The following MARCHF1 variants were observed in gnomAD, a reference collection of about 807,000 sequenced individuals.
MARCHF1 encodes E3 ubiquitin-protein ligase MARCHF1.
A neutral mutation model predicts 54.2 loss-of-function variants in MARCHF1; 40 were observed. The observed-to-expected ratio is 0.74, with a 90% CI of 0.57 to 0.96. The LOEUF (loss-of-function observed/expected upper bound fraction) is 0.96, where lower values mean the gene tolerates loss of function less well. Among genes scored for constraint, MARCHF1 ranks in the 40% least tolerant of loss-of-function variants. MARCHF1 has a pLI of 0.00. For missense variants in MARCHF1, 586 were observed against 656.5 expected, an observed-to-expected ratio of 0.89 and a Z score of 1.17; for synonymous variants, 236 against 236.3, an observed-to-expected ratio of 1.00 and a Z score of 0.01.
chr4:163,801,404 C>T (rs892087541), intron 4 of MARCHF1, among the ~76,000 whole-genome samples: 4 of 151,894 alleles, frequency 2.6e-5, no homozygotes, highest in Non-Finnish European at 5.9e-5. Context: ...AGACACCTAT[C>T]TACAAGTTTT....
rs147931670 is a variant in MARCHF1, at chr4:164,302,995, C to G, written c.-323+80875G>C. On this transcript the variant is annotated intron_variant, in intron 1 of 9. Transcript: ENST00000514618. ...AATTACAAGTATATTTTCATGTTTA[C>G]AATTATAAGACTTCCAAAACAGATA... Among the ~76,000 whole-genome samples the G allele has an allele frequency of 6.4e-3, 965 of 151,312 alleles. 6 individuals are homozygous for G. The highest frequency in any genetic ancestry group is 0.011 in the Non-Finnish European group (727 of 67,838).
At chr4:163,710,756 G>A (rs1299953560) in intron 4 of MARCHF1, among the ~76,000 whole-genome samples, 1 of 152,050 alleles carries the variant, frequency 6.6e-6, no homozygotes, top group African/African-American at 2.4e-5. Flanking sequence ...AAGCCTTGAG[G>A]ACTGAATTCA....
intron 1 of MARCHF1, among the ~76,000 whole-genome samples, chr4:164,155,133 AG>A (rs1038748918): frequency 1.1e-4 from 16 of 152,284 alleles, no homozygotes; most frequent in African/African-American, 3.8e-4. Flanking sequence ...GGCATAAGAT[AG>A]GGGGCATGGT....
At chr4:163,750,371 T>A (rs1017402891) in intron 4 of MARCHF1, among the ~76,000 whole-genome samples, 6 of 151,084 alleles carry the variant, frequency 4.0e-5, no homozygotes, top group African/African-American at 1.5e-4. Context: ...ATTAGCCAGG[T>A]GTGGTGGCAG....
chr4:163,656,409 A>T (rs2111086062), intron 5 of MARCHF1, among the ~76,000 whole-genome samples: 1 of 152,188 alleles, frequency 6.6e-6, no homozygotes, highest in South Asian at 2.1e-4. Flanking sequence ...TTGAGGCAGT[A>T]ATTAATAGCC....
intron 4 of MARCHF1, among the ~76,000 whole-genome samples, chr4:163,719,285 G>T (rs1244657373): frequency 6.6e-6 from 1 of 151,748 alleles, no homozygotes; most frequent in Non-Finnish European, 1.5e-5. Flanking sequence ...GCAGTGTTTG[G>T]TTTTTTGTTC....
intron 2 of MARCHF1, among the ~76,000 whole-genome samples, chr4:163,999,039 G>C (rs1358402353): frequency 1.3e-5 from 2 of 151,374 alleles, no homozygotes; most frequent in Admixed American, 6.6e-5. Context: ...GTTTTTCCTA[G>C]GACTGCACTA....
intron 1 of MARCHF1, among the ~76,000 whole-genome samples, chr4:164,279,904 G>C (rs558708610): frequency 9.2e-5 from 14 of 151,644 alleles, no homozygotes; most frequent in African/African-American, 2.9e-4. Flanking sequence ...ATCAAATTAA[G>C]ACCAGCTTTA....
chr4:164,189,122 G>A (rs1160363313), intron 1 of MARCHF1: 17 of 652,184 alleles, frequency 2.6e-5, no homozygotes, highest in Non-Finnish European at 3.7e-5. Context: ...GCCACTAATG[G>A]AGATACTCAT....
chr4:163,604,077 T>C (rs928915453), intron 7 of MARCHF1, among the ~76,000 whole-genome samples: 14 of 152,126 alleles, frequency 9.2e-5, no homozygotes, highest in Admixed American at 5.2e-4. Flanking sequence ...ATATTGAACA[T>C]TGCTAGTCAC....
intron 1 of MARCHF1, among the ~76,000 whole-genome samples, chr4:164,122,481 T>C (rs141737783): frequency 6.2e-4 from 94 of 152,122 alleles, no homozygotes; most frequent in African/African-American, 2.2e-3. Context: ...GGAAAGCCCA[T>C]TTGTATAATA....
At chr4:163,562,095 G>C (rs1034841221) in intron 8 of MARCHF1, among the ~76,000 whole-genome samples, 1 of 152,162 alleles carries the variant, frequency 6.6e-6, no homozygotes, top group East Asian at 1.9e-4. Context: ...TCAGGAGTTT[G>C]AGACTAGCCT....
At chr4:163,821,165 T>C (rs1212393565) in intron 4 of MARCHF1, among the ~76,000 whole-genome samples, 1 of 151,964 alleles carries the variant, frequency 6.6e-6, no homozygotes, top group Non-Finnish European at 1.5e-5. Context: ...ATTTCCTCTT[T>C]CTGGGGCATG....
At chr4:163,676,145 G>A (rs1240911576) in intron 5 of MARCHF1, among the ~76,000 whole-genome samples, 1 of 141,664 alleles carries the variant, frequency 7.1e-6, no homozygotes. Context: ...GAGTTCTACA[G>A]CCTGACCAAA....
At chr4:164,284,334 CAGAGAGAGAGAGAG>C (rs139533400) in intron 1 of MARCHF1, among the ~76,000 whole-genome samples, 2 of 117,560 alleles carry the variant, frequency 1.7e-5, no homozygotes, top group Admixed American at 8.8e-5. Context: ...GAGAGAGAGA[CAGAGAGAGAGAGAG>C]AGAGAGAGAG....
intron 1 of MARCHF1, among the ~76,000 whole-genome samples, chr4:164,279,556 G>A (rs1199731267): frequency 2.6e-5 from 4 of 151,516 alleles, no homozygotes; most frequent in African/African-American, 9.7e-5. Context: ...ACAAATAAAT[G>A]ACAAATATTT....
chr4:163,744,497 C>T (rs1242817480), intron 4 of MARCHF1, among the ~76,000 whole-genome samples: 2 of 152,050 alleles, frequency 1.3e-5, no homozygotes, highest in Non-Finnish European at 2.9e-5. Flanking sequence ...TTACTTAAGC[C>T]CTCTGATCTT....
At chr4:163,841,523 A>G (rs1026575098) in intron 4 of MARCHF1, among the ~76,000 whole-genome samples, 3 of 152,098 alleles carry the variant, frequency 2.0e-5, no homozygotes, top group Admixed American at 6.6e-5. Context: ...ATAGTTAATG[A>G]TATGTTTCCA....
chr4:163,634,957 T>G (rs1275119156), intron 5 of MARCHF1, among the ~76,000 whole-genome samples: 8 of 103,486 alleles, frequency 7.7e-5, no homozygotes, highest in African/African-American at 9.4e-5. Context: ...TCAAAACCGC[T>G]CAACTACATG....
Sources: gnomAD v4.1 joint callset for allele counts (sites outside exome capture counted in the v4.1 genomes callset) on GRCh38, gnomAD v4.1.1 for gene constraint, MANE v1.5 for transcripts, NCBI Gene and HGNC (gene_info 2026-07-23, HGNC 2026-07-21) for gene names.